DENND2A: variants seen among roughly 807,000 people sequenced by gnomAD.
DENND2A encodes DENN domain containing 2A.
DENND2A carries 53 observed loss-of-function variants against 105.3 expected under a neutral mutation model. The observed-to-expected ratio is 0.50, with a 90% CI of 0.40 to 0.63. The LOEUF (loss-of-function observed/expected upper bound fraction) is 0.63, where lower values mean the gene tolerates loss of function less well. Ranked by LOEUF, DENND2A falls within the 30% of genes least tolerant of loss-of-function variation. The probability of loss-of-function intolerance (pLI) is 0.00; values close to 1 mark genes in which losing one functional copy is unlikely to be tolerated. For missense variants in DENND2A, 1,138 were observed against 1,279.6 expected (o/e 0.89, Z 1.69); for synonymous variants, 522 against 508.4 (o/e 1.03, Z -0.36).
intron 3 of DENND2A, among the ~76,000 whole-genome samples, chr7:140,594,303 A>G (rs1799192901): frequency 6.6e-6 from 1 of 152,200 alleles, no homozygotes; most frequent in South Asian, 2.1e-4. Flanking sequence ...CACCTTGTGT[A>G]TAGGTCCAGA....
Position 140,522,533 on chromosome 7 carries a change from C to T in DENND2A, c.2666-433G>A, listed in dbSNP as rs547771434. On this transcript the variant is annotated intron_variant, in intron 17 of 19. Coordinates refer to ENST00000496613, the MANE Select transcript of DENND2A (RefSeq NM_015689.5). ...TTCACCATGTTGGCCAAGCTGGTCT[C>T]GAACTTCTGAACTCAAGTGATCTGC... 1.7e-3 allele frequency among the ~76,000 whole-genome samples: 263 copies of T among 152,060 alleles called. 1 individual carries two copies. The highest frequency in any genetic ancestry group is 3.4e-3 in the Middle Eastern group (1 of 294).
chr7:140,576,596 G>A (rs1173015416), intron 5 of DENND2A, among the ~76,000 whole-genome samples: 5 of 152,108 alleles, frequency 3.3e-5, no homozygotes, highest in Non-Finnish European at 5.9e-5. Context: ...TTCGCTATTT[G>A]CTTAGTTCCA....
chr7:140,535,969 A>G (rs1796442034), intron 14 of DENND2A, among the ~76,000 whole-genome samples: 1 of 152,200 alleles, frequency 6.6e-6, no homozygotes, highest in South Asian at 2.1e-4. Flanking sequence ...TGTTGAGGCC[A>G]TCAAAAGAAC....
chr7:140,616,474 TG>T (rs540683011), intron 1 of DENND2A, among the ~76,000 whole-genome samples: 3 of 152,052 alleles, frequency 2.0e-5, no homozygotes, highest in Non-Finnish European at 4.4e-5. Context: ...GTATGGATTT[TG>T]GGGGCAGGAT....
chr7:140,574,115 G>GACCAGTTCCTCT, intron 5 of DENND2A, 107 bp from the exon 6 acceptor site: 1 of 1,286,248 alleles, frequency 7.8e-7, no homozygotes, highest in Non-Finnish European at 1.1e-6. Flanking sequence ...AGAGGAACTG[G>GACCAGTTCCTCT]TCTATGTTCC....
At position 140,529,441 on chromosome 7, in the gene DENND2A, CTGGGTAT is replaced by C. The variant is rs1325613758; in HGVS notation, c.2328-1953_2328-1947del. ...ACCATTTGACCCAGCCATCCCATTACTGGGTATATACCCAAAGGATTGTAAATCATGC... is the reference window on the plus strand; with the variant it reads ...ACCATTTGACCCAGCCATCCCATTACATACCCAAAGGATTGTAAATCATGC... On this transcript the variant is annotated intron_variant, in intron 14 of 19. Transcript: ENST00000496613. Among the ~76,000 whole-genome samples the C allele has an allele frequency of 3.9e-5, 6 of 152,320 alleles. No homozygotes were observed. In the East Asian group the frequency reaches 1.2e-3, roughly 29 times the overall value.
At position 140,544,767 on chromosome 7, in the gene DENND2A, C is replaced by G. The variant is rs757922808; in HGVS notation, c.2179-1G>C. The G allele has an allele frequency of 6.4e-7, 1 of 1,570,140 alleles. No individual in the cohort carries two copies. The highest frequency in any genetic ancestry group is 8.6e-7 in the Non-Finnish European group (1 of 1,157,364). Reference sequence around the variant, plus strand: ...CCAGCGGGCGGCACAGTTCGATCACCTGCCAGGGAACAGGAGCAGCCATGA... The same window carrying G: ...CCAGCGGGCGGCACAGTTCGATCACGTGCCAGGGAACAGGAGCAGCCATGA... On this transcript the variant is annotated splice_acceptor_variant, in intron 13 of 19. Coordinates refer to ENST00000496613, the MANE Select transcript of DENND2A (RefSeq NM_015689.5). LOFTEE classifies it high-confidence loss of function.
chr7:140,580,817 A>G (rs1585681772), intron 5 of DENND2A, among the ~76,000 whole-genome samples: 1 of 151,416 alleles, frequency 6.6e-6, no homozygotes, highest in Non-Finnish European at 1.5e-5. Context: ...TTGCATTTTT[A>G]GTAGAGACGG....
At chr7:140,596,824 T>C (rs1225438557) in intron 3 of DENND2A, among the ~76,000 whole-genome samples, 1 of 152,236 alleles carries the variant, frequency 6.6e-6, no homozygotes, top group East Asian at 1.9e-4. Flanking sequence ...TTCAGGATGG[T>C]GCTCACACTT....
At position 140,527,302 on chromosome 7, in the gene DENND2A, C is replaced by T. The variant is rs909585034; in HGVS notation, c.2505+16G>A. 300 of 1,564,404 alleles carry T rather than the reference C, an allele frequency of 1.9e-4. No homozygotes were observed. Among genetic ancestry groups the T allele is most frequent in the Non-Finnish European group, 2.5e-4 (294 of 1,155,486 alleles). Reference sequence around the variant, plus strand: ...GCACCCTGCAGGGAGGGGGACAGGGCTGAGTGGGAGCTCACCTCTTCCAGC... The same window carrying T: ...GCACCCTGCAGGGAGGGGGACAGGGTTGAGTGGGAGCTCACCTCTTCCAGC... On this transcript the variant is annotated intron_variant, in intron 15 of 19. Transcript: ENST00000496613. The surrounding 1 kb of genome is among the most constrained non-coding windows in gnomAD (Gnocchi z 4.9).
chr7:140,529,955 AAAC>A (rs968273977), intron 14 of DENND2A, among the ~76,000 whole-genome samples: 6 of 152,052 alleles, frequency 3.9e-5, no homozygotes, highest in Admixed American at 6.6e-5. Context: ...AAACAAAACA[AAAC>A]AACAACAACA....
intron 14 of DENND2A, among the ~76,000 whole-genome samples, chr7:140,530,504 T>A (rs1229835315): frequency 6.6e-6 from 1 of 151,894 alleles, no homozygotes; most frequent in Non-Finnish European, 1.5e-5. Flanking sequence ...TGATATTCGG[T>A]CCTTATCTTT....
chr7:140,573,968 T>G lies in DENND2A; in HGVS notation c.1286A>C (p.Glu429Ala). ...GTCCAGCAGCTTGAAGTTCCTCCTCTCTGAATTTTGTCGGAAAAAAGCAGG... is the reference window on the plus strand; with the variant it reads ...GTCCAGCAGCTTGAAGTTCCTCCTCGCTGAATTTTGTCGGAAAAAAGCAGG... ...SKPAFFRQNS[E>A]RRNFKLLDTR... The change falls in exon 6 of 20, where the codon GAG (glutamate) becomes GCG (alanine). Residue 429 changes from glutamate (E) to alanine (A), a missense_variant. Around this residue, in one of 2 missense-constraint regions of DENND2A, gnomAD observed 627 missense variants for 779.8 expected, o/e 0.80. Coordinates refer to ENST00000496613, the MANE Select transcript of DENND2A (RefSeq NM_015689.5). 1.9e-6 allele frequency: 3 copies of G among 1,614,052 alleles called. No individual in the cohort carries two copies. Among genetic ancestry groups the G allele is most frequent in the Non-Finnish European group, 2.5e-6 (3 of 1,180,022 alleles).
At chr7:140,582,255 G>A (rs1798577337) in intron 5 of DENND2A, among the ~76,000 whole-genome samples, 2 of 152,112 alleles carry the variant, frequency 1.3e-5, no homozygotes, top group East Asian at 1.9e-4. Context: ...AGGAGCCACC[G>A]CGCTTGGCCT....
In DENND2A at chr7:140,559,918, T is replaced by C. The variant is rs1797545310; in HGVS notation, c.1780-101A>G. 2 of 874,026 alleles carry C rather than the reference T, an allele frequency of 2.3e-6. No individual in the cohort carries two copies. Among genetic ancestry groups the C allele is most frequent in the Middle Eastern group, 2.2e-4 (1 of 4,592 alleles). 54.1% of individuals were successfully genotyped at this position (874,026 alleles called of 1,614,324 possible). On this transcript the variant is annotated intron_variant, in intron 9 of 19. Transcript: ENST00000496613. The surrounding 1 kb of genome is among the most constrained non-coding windows in gnomAD (Gnocchi z 4.1). ...GGCCTCTCCCACCTTTCCACATTTG[T>C]GACTGCCGCCTTAGCCTCTTCCCTT...
At position 140,585,619 on chromosome 7, in the gene DENND2A, G is replaced by A. The variant is rs780699896; in HGVS notation, c.1215C>T (p.Pro405=). The change falls in exon 5 of 20, where the codon CCC becomes CCT. Residue 405 remains proline, a synonymous_variant. Coordinates refer to ENST00000496613, the MANE Select transcript of DENND2A (RefSeq NM_015689.5). ...KKCVLNFPAS[P]TSSIPDTLTK... ...TGAGTGTGTCAGGGATGGAAGAGGT[G>A]GGAGAAGCAGGAAAATTCAAGACAC... 6.2e-7 allele frequency: 1 copy of A among 1,614,108 alleles called. No individual in the cohort carries two copies. The highest frequency in any genetic ancestry group is 1.7e-5 in the Admixed American group (1 of 60,016).
At chr7:140,562,826 T>C (rs1396677242) in intron 9 of DENND2A, among the ~76,000 whole-genome samples, 1 of 152,216 alleles carries the variant, frequency 6.6e-6, no homozygotes, top group Non-Finnish European at 1.5e-5. Context: ...TAGTTGTCCT[T>C]TAGTTGTTCT....
chr7:140,564,630 A>G (rs969470255), intron 9 of DENND2A, among the ~76,000 whole-genome samples: 1 of 152,184 alleles, frequency 6.6e-6, no homozygotes, highest in Non-Finnish European at 1.5e-5. Context: ...ACATTTCTGG[A>G]TCAGTTTCCT....
rs755781480 is a variant in DENND2A, at chr7:140,567,224, A to T, written c.1641T>A (p.Pro547=). The part of the protein sequence containing the change: ...VNVKSRLKQA[P]RYPSLARELI... ...GTTCCCGGGCAAGTGATGGGTACCG[A>T]GGCGCCTGCTTCAGCCGGGACTTCA... is the stretch of plus-strand genomic sequence containing the variant. Residue 547 remains proline (P), a synonymous_variant, in exon 9 of 20, where the codon CCT becomes CCA. Coordinates refer to ENST00000496613, the MANE Select transcript of DENND2A (RefSeq NM_015689.5). The T allele has an allele frequency of 6.8e-6, 11 of 1,612,502 alleles. 2 individuals carry two copies. In the South Asian group the frequency reaches 9.9e-5, roughly 15 times the overall value.
Sources: allele counts gnomAD v4.1 joint callset (sites outside exome capture counted in the v4.1 genomes callset), GRCh38; gene constraint gnomAD v4.1.1; regional missense constraint gnomAD v4.1.1; non-coding constraint Gnocchi (gnomAD v3.1); transcripts MANE v1.5; gene names NCBI Gene and HGNC (gene_info 2026-07-23, HGNC 2026-07-21).